Variants in TPO observed in about 807,000 individuals in gnomAD.
The protein encoded by TPO is thyroid peroxidase, also known as thyroid microsomal antigen.
In TPO, 78 loss-of-function variants were observed where a neutral mutation model predicts 96.9. The observed-to-expected ratio is 0.81, with a 90% confidence interval of 0.67 to 0.97. TPO has a LOEUF of 0.97. Ranked by LOEUF, TPO falls within the 50% of genes least tolerant of loss-of-function variation. The probability of loss-of-function intolerance (pLI) is 0.00; values close to 1 mark genes in which losing one functional copy is unlikely to be tolerated. For missense variants in TPO, 1,252 were observed against 1,274.8 expected (o/e 0.98, Z 0.27); for synonymous variants, 547 against 538.0 (o/e 1.02, Z -0.23).
At chr2:1,483,592 G>A (rs1332201237) in intron 8 of TPO, among the ~76,000 whole-genome samples, 1 of 152,230 alleles carries the variant, frequency 6.6e-6, no homozygotes. Context: ...GAGGCTGTTT[G>A]CACGATGAAG....
chr2:1,449,050 T>C (rs536771268), intron 5 of TPO, among the ~76,000 whole-genome samples: 13 of 152,310 alleles, frequency 8.5e-5, no homozygotes, highest in Admixed American at 7.2e-4. Context: ...CTAAGCCTCT[T>C]TCGTGGAGTT....
chr2:1,374,162 G>A, upstream of TPO: 1 of 152,250 alleles, frequency 6.6e-6, no homozygotes, highest in East Asian at 1.9e-4. Flanking sequence ...CTCTTCACGA[G>A]ATTATAAGGA....
chr2:1,436,214 T>C, intron 4 of TPO, 38 bp from the exon 5 acceptor site: 2 of 1,614,036 alleles, frequency 1.2e-6, no homozygotes, highest in Non-Finnish European at 1.7e-6. Context: ...GGATTTGTGG[T>C]TACAAGCACA....
chr2:1,396,329 GT>G (rs1662079977), intron 1 of TPO, among the ~76,000 whole-genome samples: 1 of 152,210 alleles, frequency 6.6e-6, no homozygotes, highest in African/African-American at 2.4e-5. Flanking sequence ...CCCAAGAAGC[GT>G]TTACCCACTG....
At chr2:1,419,159 C>T (rs1663249637) in intron 2 of TPO, among the ~76,000 whole-genome samples, 1 of 152,166 alleles carries the variant, frequency 6.6e-6, no homozygotes, top group Non-Finnish European at 1.5e-5. Context: ...ATGCGCCCCT[C>T]AGAGCAGGAG....
chr2:1,424,094 C>T (rs917714008), intron 3 of TPO, among the ~76,000 whole-genome samples: 1 of 152,148 alleles, frequency 6.6e-6, no homozygotes, highest in African/African-American at 2.4e-5. Flanking sequence ...TCAGGAGGTC[C>T]TGAGGACATG....
At chr2:1,448,606 C>T (rs568360967) in intron 5 of TPO, among the ~76,000 whole-genome samples, 1 of 152,186 alleles carries the variant, frequency 6.6e-6, no homozygotes, top group Non-Finnish European at 1.5e-5. Context: ...GGCATCGGAC[C>T]TCTTGGCTCC....
At position 1,488,004 on chromosome 2, in the gene TPO, C is replaced by T; in HGVS notation, c.1768+13C>T. The stretch of plus-strand genomic sequence containing the variant: ...CACGGGCTGCCAGGTCTGCCAGTTC[C>T]TTCCCTTGCACACCTCATGCAGCTG... On this transcript the variant is annotated intron_variant, in intron 10 of 16. Coordinates refer to ENST00000329066, the MANE Select transcript of TPO (RefSeq NM_001206744.2). The T allele has an allele frequency of 6.2e-7, 1 of 1,612,388 alleles. No homozygotes were observed. The highest frequency in any genetic ancestry group is 8.5e-7 in the Non-Finnish European group (1 of 1,180,026).
chr2:1,535,075 G>C (rs191462915), intron 15 of TPO, among the ~76,000 whole-genome samples: 2 of 67,762 alleles, frequency 3.0e-5, no homozygotes, highest in Non-Finnish European at 5.4e-5. Flanking sequence ...CCCCCACTCT[G>C]TGCACCTTCC....
intron 15 of TPO, among the ~76,000 whole-genome samples, chr2:1,539,450 G>A (rs927010257): frequency 3.9e-5 from 6 of 152,286 alleles, no homozygotes; most frequent in African/African-American, 1.2e-4. Context: ...TAATGACACC[G>A]TCACAAGCAC....
At chr2:1,530,631 C>CT (rs112401813) in intron 15 of TPO, among the ~76,000 whole-genome samples, 622 of 57,184 alleles carry the variant, frequency 0.011, 128 homozygotes, top group African/African-American at 0.051. Context: ...CCCAACTCCC[C>CT]GACTCTCTGC....
At chr2:1,396,360 G>C (rs1044723649) in intron 1 of TPO, among the ~76,000 whole-genome samples, 3 of 152,224 alleles carry the variant, frequency 2.0e-5, no homozygotes, top group Non-Finnish European at 2.9e-5. Context: ...CAGGAGGCCT[G>C]GGTCTCAGGA....
chr2:1,516,789 C>T, intron 14 of TPO, 94 bp from the exon 15 acceptor site: 1 of 1,179,188 alleles, frequency 8.5e-7, no homozygotes, highest in Non-Finnish European at 1.3e-6. Flanking sequence ...AGGCCACTGG[C>T]CCAGGACAGG....
At chr2:1,491,269 G>A (rs970840236) in intron 10 of TPO, among the ~76,000 whole-genome samples, 1 of 151,970 alleles carries the variant, frequency 6.6e-6, no homozygotes, top group Non-Finnish European at 1.5e-5. Flanking sequence ...CCAGCTCTGC[G>A]GCCTCTGAAG....
rs541819241 is a variant in TPO, at chr2:1,505,311, C to T, written c.2518+1232C>T. ...CCACTATCCTATATCAGGCACATCC[C>T]ACTCTCCTGAGTCAGGCACACCCCA... On this transcript the variant is annotated intron_variant, in intron 14 of 16. Coordinates refer to ENST00000329066, the MANE Select transcript of TPO (RefSeq NM_001206744.2). 3.3e-5 allele frequency among the ~76,000 whole-genome samples: 5 copies of T among 150,710 alleles called. No individual in the cohort carries two copies. In the South Asian group the frequency reaches 8.5e-4, roughly 26 times the overall value.
Position 1,542,479 on chromosome 2 carries a change from A to G in TPO, c.*5A>G. The G allele has an allele frequency of 6.2e-7, 1 of 1,614,170 alleles. No homozygotes were observed. Among genetic ancestry groups the G allele is most frequent in the Non-Finnish European group, 8.5e-7 (1 of 1,180,036 alleles). ...AGGCTGCCGAGAGCCCTCTGAGGGC[A>G]AAGTGGCAGGACACTGCAGAACAGC... is the stretch of plus-strand genomic sequence containing the variant. On this transcript the variant is annotated 3_prime_UTR_variant, in exon 17 of 17. Coordinates refer to ENST00000329066, the MANE Select transcript of TPO (RefSeq NM_001206744.2).
At chr2:1,463,086 G>A (rs535916609) in intron 7 of TPO, among the ~76,000 whole-genome samples, 5 of 152,270 alleles carry the variant, frequency 3.3e-5, no homozygotes, top group Non-Finnish European at 7.4e-5. Flanking sequence ...TAAAAGGCAA[G>A]ACCACATCTG....
Position 1,477,544 on chromosome 2 carries a change from G to A in TPO, c.1278G>A (p.Ala426=), listed in dbSNP as rs1471636719. The A allele has an allele frequency of 2.0e-6, 3 of 1,535,716 alleles. No individual in the cohort carries two copies. Among genetic ancestry groups the A allele is most frequent in the Non-Finnish European group, 1.7e-6 (2 of 1,146,280 alleles). Residue 426 remains alanine, a synonymous_variant, in exon 8 of 17, where the codon GCG becomes GCA. Transcript: ENST00000329066. ...CCGCGGCGCTCAAGGCCCTCAATGC[G>A]CACTGGAGCGCGGACGCCGTGTACC... is the stretch of plus-strand genomic sequence containing the variant. ...RLAAALKALN[A]HWSADAVYQE...
At chr2:1,415,857 T>C (rs2148407215) in intron 2 of TPO, among the ~76,000 whole-genome samples, 1 of 152,270 alleles carries the variant, frequency 6.6e-6, no homozygotes, top group African/African-American at 2.4e-5. Flanking sequence ...CCCCAATTTT[T>C]CTGCATCTCA....
Sources: gnomAD v4.1 joint callset for allele counts (sites outside exome capture counted in the v4.1 genomes callset) on GRCh38, gnomAD v4.1.1 for gene constraint, MANE v1.5 for transcripts, NCBI Gene and HGNC (gene_info 2026-07-23, HGNC 2026-07-21) for gene names.